Variants in EMSY observed in about 807,000 individuals in gnomAD.
EMSY encodes the protein EMSY transcriptional repressor, BRCA2 interacting.
Under a neutral mutation model 134.6 loss-of-function variants are expected in EMSY, and 26 were observed. That is an observed-to-expected ratio of 0.19 (90% CI 0.14 to 0.27). EMSY has a LOEUF of 0.27. Ranked by LOEUF, EMSY falls within the 10% of genes least tolerant of loss-of-function variation. The pLI, the probability that EMSY is intolerant of heterozygous loss-of-function variation, is 1.00. For synonymous variants in EMSY, 579 were observed against 577.8 expected (o/e 1.00, Z -0.03); for missense variants, 1,305 against 1,611.4 (o/e 0.81, Z 3.26).
At chr11:76,462,467 G>A (rs1272139224) in intron 6 of EMSY, among the ~76,000 whole-genome samples, 3 of 152,194 alleles carry the variant, frequency 2.0e-5, no homozygotes, top group Non-Finnish European at 2.9e-5. Context: ...TTACCCTCTG[G>A]GAGCCCCTTA....
At chr11:76,508,560 A>C (rs1279680127) in intron 9 of EMSY, among the ~76,000 whole-genome samples, 1 of 152,210 alleles carries the variant, frequency 6.6e-6, no homozygotes, top group Non-Finnish European at 1.5e-5. Flanking sequence ...AGTCCCTAAC[A>C]AGAGAGTCAG....
chr11:76,549,657 C>T (rs1951777424), intron 20 of EMSY, among the ~76,000 whole-genome samples: 1 of 152,158 alleles, frequency 6.6e-6, no homozygotes, highest in Admixed American at 6.6e-5. Context: ...TGAATCTTGG[C>T]ATTAACCCTG....
At chr11:76,521,134 G>C (rs1291027216) in intron 11 of EMSY, among the ~76,000 whole-genome samples, 2 of 152,184 alleles carry the variant, frequency 1.3e-5, no homozygotes, top group African/African-American at 4.8e-5. Context: ...TGGGCTTTGT[G>C]TGGTAGGTAA....
intron 9 of EMSY, among the ~76,000 whole-genome samples, chr11:76,508,310 A>G (rs925539654): frequency 6.6e-6 from 1 of 151,622 alleles, no homozygotes; most frequent in African/African-American, 2.4e-5. Context: ...GACTAGGTGC[A>G]TTGTCAGTGG....
At chr11:76,476,629 C>T (rs936158375) in intron 8 of EMSY, among the ~76,000 whole-genome samples, 6 of 152,138 alleles carry the variant, frequency 3.9e-5, no homozygotes, top group Non-Finnish European at 8.8e-5. Context: ...ATTGTTCCAT[C>T]CTTGCCAGTG....
At chr11:76,536,714 A>G (rs1951235613) in intron 15 of EMSY, among the ~76,000 whole-genome samples, 1 of 152,208 alleles carries the variant, frequency 6.6e-6, no homozygotes, top group Non-Finnish European at 1.5e-5. Context: ...AAAGATTTTC[A>G]GAGTATTTAA....
chr11:76,520,025 A>G (rs566513880), intron 11 of EMSY, among the ~76,000 whole-genome samples: 2 of 152,292 alleles, frequency 1.3e-5, no homozygotes, highest in South Asian at 2.1e-4. Flanking sequence ...ACATGGGAAC[A>G]GAAGTCCACT....
intron 4 of EMSY, 22 bp downstream of exon 4, chr11:76,453,410 C>G (rs1947746179): frequency 6.2e-7 from 1 of 1,604,888 alleles, no homozygotes; most frequent in Non-Finnish European, 8.5e-7. Flanking sequence ...GTCGTACCAT[C>G]CCTGATTTTT....
At position 76,550,289 on chromosome 11, in the gene EMSY, C is replaced by T. The variant is rs1308230331; in HGVS notation, c.*143C>T. 15 of 527,224 alleles carry T rather than the reference C, an allele frequency of 2.8e-5. No homozygotes were observed. In the Admixed American group the frequency reaches 6.4e-4, roughly 23 times the overall value. The allele number at this position is 527,224 out of a possible 1,614,324, so 32.7% of individuals were successfully genotyped here. On this transcript the variant is annotated 3_prime_UTR_variant, in exon 21 of 21. Transcript: ENST00000334736. ...ACAGCAGTGTTTCAACAAGATGTTGCTGCAGGAGCAGCTTTTTAAAACAAG... is the reference window on the plus strand; with the variant it reads ...ACAGCAGTGTTTCAACAAGATGTTGTTGCAGGAGCAGCTTTTTAAAACAAG...
Position 76,537,281 on chromosome 11 carries a change from G to A in EMSY, c.2360-514G>A, listed in dbSNP as rs78188256. ...AAAGAAGCCATTTTTTTCTAACAAT[G>A]AAAATTTTTATTCTTTAAAAGTTGT... is the stretch of plus-strand genomic sequence containing the variant. On this transcript the variant is annotated intron_variant, in intron 15 of 20. Coordinates refer to ENST00000334736, the Ensembl canonical transcript of EMSY. 9.1e-4 allele frequency among the ~76,000 whole-genome samples: 138 copies of A among 152,204 alleles called. No individual in the cohort carries two copies. In the East Asian group the frequency reaches 0.023, roughly 25 times the overall value.
chr11:76,521,917 C>A (rs139763091), intron 11 of EMSY, among the ~76,000 whole-genome samples: 2 of 151,802 alleles, frequency 1.3e-5, no homozygotes, highest in African/African-American at 2.4e-5. Flanking sequence ...TATAAAAAAT[C>A]AAAAAGTAAG....
chr11:76,522,096 G>A (rs934907294), intron 11 of EMSY, among the ~76,000 whole-genome samples: 7 of 152,092 alleles, frequency 4.6e-5, no homozygotes, highest in African/African-American at 1.4e-4. Context: ...AAAGATTTGC[G>A]CCAGAATTTA....
At chr11:76,513,752 TCCC>T (rs1300095653) in intron 10 of EMSY, among the ~76,000 whole-genome samples, 1 of 152,158 alleles carries the variant, frequency 6.6e-6, no homozygotes, top group Non-Finnish European at 1.5e-5. Flanking sequence ...TTATAGCACT[TCCC>T]ATAATTTCTT....
intron 2 of EMSY, among the ~76,000 whole-genome samples, chr11:76,450,343 AAACT>A (rs34550097): frequency 0.036 from 5,404 of 152,214 alleles, 110 homozygotes; most frequent in Middle Eastern, 0.051. Flanking sequence ...ATGTTTCCTG[AAACT>A]AACTATTTCC....
At chr11:76,478,532 G>A (rs1948854010) in intron 8 of EMSY, among the ~76,000 whole-genome samples, 1 of 151,548 alleles carries the variant, frequency 6.6e-6, no homozygotes, top group Non-Finnish European at 1.5e-5. Context: ...TAGTAGAGAA[G>A]GGGTTTCACC....
At chr11:76,447,908 A>G (rs556858934) in intron 2 of EMSY, among the ~76,000 whole-genome samples, 7 of 152,186 alleles carry the variant, frequency 4.6e-5, no homozygotes, top group Non-Finnish European at 8.8e-5. Flanking sequence ...AGAAGATTAA[A>G]TGTTTTGGCA....
At chr11:76,478,793 TATTA>T (rs1406095516) in intron 8 of EMSY, among the ~76,000 whole-genome samples, 1 of 150,194 alleles carries the variant, frequency 6.7e-6, no homozygotes, top group Admixed American at 6.6e-5. Flanking sequence ...TTGCATAATT[TATTA>T]AATTTATTAT....
At chr11:76,513,260 T>C in intron 9 of EMSY, 126 bp from the exon 11 acceptor site, 1 of 701,708 alleles carries the variant, frequency 1.4e-6, no homozygotes. Context: ...GTTTCATCAG[T>C]ATTAAAAAAA....
intron 9 of EMSY, among the ~76,000 whole-genome samples, chr11:76,510,111 T>G (rs1394537116): frequency 6.6e-6 from 1 of 152,196 alleles, no homozygotes; most frequent in Non-Finnish European, 1.5e-5. Context: ...TCCCAGATCT[T>G]TGGGAGGCCA....
Sources: allele counts gnomAD v4.1 joint callset (sites outside exome capture counted in the v4.1 genomes callset), GRCh38; gene constraint gnomAD v4.1.1; transcripts MANE v1.5; gene names NCBI Gene and HGNC (gene_info 2026-07-23, HGNC 2026-07-21).